POC5: variants seen among roughly 807,000 people sequenced by gnomAD.
The protein encoded by POC5 is POC5 centriolar protein, also known as centrosomal protein POC5.
A neutral mutation model predicts 62.9 loss-of-function variants in POC5; 48 were observed. That is an observed-to-expected ratio of 0.76 (90% CI 0.61 to 0.97). POC5 has a LOEUF of 0.97. Ranked by LOEUF, POC5 falls within the 50% of genes least tolerant of loss-of-function variation. POC5 has a pLI of 0.00. For synonymous variants in POC5, 236 were observed against 228.2 expected (o/e 1.03, Z -0.31); for missense variants, 696 against 679.5 (o/e 1.02, Z -0.27).
At chr5:75,704,191 A>G (rs1777027954) in intron 4 of POC5, among the ~76,000 whole-genome samples, 1 of 151,856 alleles carries the variant, frequency 6.6e-6, no homozygotes, top group South Asian at 2.1e-4. Flanking sequence ...AGAAAAGTTA[A>G]TATTTTCTCA....
In POC5 at chr5:75,685,504, T is replaced by C; in HGVS notation, c.1130-20A>G. 6 of 1,588,784 alleles carry C rather than the reference T, an allele frequency of 3.8e-6. No individual in the cohort carries two copies. In the African/African-American group the frequency reaches 4.0e-5, roughly 11 times the overall value. ...CTATCCCTATAAATCACAAATTAAT[T>C]CCATTCAAATTCTTCCAGGTTAGGA... On this transcript the variant is annotated intron_variant, in intron 9 of 11. Transcript: ENST00000428202.
intron 9 of POC5, among the ~76,000 whole-genome samples, chr5:75,686,561 C>A (rs1240588913): frequency 6.6e-6 from 1 of 152,118 alleles, no homozygotes; most frequent in African/African-American, 2.4e-5. Context: ...ATATAAAATA[C>A]TTTTAATTTG....
chr5:75,714,651 G>C (rs966707507), intron 1 of POC5, among the ~76,000 whole-genome samples: 4 of 152,180 alleles, frequency 2.6e-5, no homozygotes, highest in Non-Finnish European at 1.5e-5. Flanking sequence ...CCAAGGCAAG[G>C]AAGGTAGGAA....
In POC5 at chr5:75,702,767, G is replaced by C. The variant is rs1432299876; in HGVS notation, c.351C>G (p.Val117=). 6.3e-7 allele frequency: 1 copy of C among 1,593,736 alleles called. No homozygotes were observed. The highest frequency in any genetic ancestry group is 8.6e-7 in the Non-Finnish European group (1 of 1,169,376). ...AAAGATGTGAACTGAAAAAATCCAT[G>C]ACTGGGTGAGAAGGCTTCCTTGGCG... ...VLSPRKPSHP[V]MDFFSSHLLA... Residue 117 remains valine (V), a synonymous_variant, in exon 5 of 12, where the codon GTC becomes GTG. Coordinates refer to ENST00000428202, the MANE Select transcript of POC5 (RefSeq NM_001099271.2).
chr5:75,699,992 C>G (rs1023274536), intron 5 of POC5, among the ~76,000 whole-genome samples: 12 of 151,812 alleles, frequency 7.9e-5, no homozygotes, highest in African/African-American at 2.9e-4. Context: ...AATAAAATAC[C>G]TAGGAATCCA....
At chr5:75,708,028 T>C (rs1777195171) in intron 2 of POC5, among the ~76,000 whole-genome samples, 153 bp from the exon 3 acceptor site, 1 of 152,200 alleles carries the variant, frequency 6.6e-6, no homozygotes, top group East Asian at 1.9e-4. Flanking sequence ...CTTGAGTTCC[T>C]CGAGTGCTTC....
intron 6 of POC5, 91 bp downstream of exon 6, chr5:75,694,564 C>G (rs766223413): frequency 2.4e-5 from 26 of 1,064,174 alleles, no homozygotes; most frequent in Non-Finnish European, 3.4e-5. Flanking sequence ...GAACCTGTAT[C>G]TTGTATGAGG....
intron 7 of POC5, 32 bp from the exon 8 acceptor site, chr5:75,690,594 A>C: frequency 6.8e-7 from 1 of 1,470,034 alleles, no homozygotes. Context: ...CTTCAAAAAC[A>C]CAGTTGATTG....
intron 4 of POC5, among the ~76,000 whole-genome samples, chr5:75,704,240 TG>T (rs1178377251): frequency 6.6e-6 from 1 of 152,084 alleles, no homozygotes; most frequent in African/African-American, 2.4e-5. Context: ...TGTCATCACT[TG>T]TCACATATCT....
chr5:75,690,994 G>A (rs1580014953), intron 7 of POC5, among the ~76,000 whole-genome samples: 1 of 152,136 alleles, frequency 6.6e-6, no homozygotes, highest in African/African-American at 2.4e-5. Context: ...TCAGTTTGAT[G>A]GCCACCACAA....
At chr5:75,683,932 G>C (rs183938593) in intron 10 of POC5, among the ~76,000 whole-genome samples, 1 of 152,184 alleles carries the variant, frequency 6.6e-6, no homozygotes, top group East Asian at 1.9e-4. Context: ...TCAAACTTCT[G>C]GCCTCAAGCA....
At chr5:75,716,283 C>T in intron 1 of POC5, among the ~76,000 whole-genome samples, 1 of 147,930 alleles carries the variant, frequency 6.8e-6, no homozygotes, top group East Asian at 2.0e-4. Flanking sequence ...CAAGGAATGG[C>T]TGCTTCACTG....
At chr5:75,717,069 A>C (rs1346394436) in intron 1 of POC5, among the ~76,000 whole-genome samples, 1 of 152,214 alleles carries the variant, frequency 6.6e-6, no homozygotes, top group Non-Finnish European at 1.5e-5. Flanking sequence ...CAACGTTTTA[A>C]GTGACCGGAA....
At chr5:75,682,478 A>G (rs940921709) in intron 10 of POC5, among the ~76,000 whole-genome samples, 2 of 152,042 alleles carry the variant, frequency 1.3e-5, no homozygotes, top group Admixed American at 6.6e-5. Flanking sequence ...AACACAGCTG[A>G]AAATATGTCA....
intron 9 of POC5, 66 bp from the exon 10 acceptor site, chr5:75,685,550 A>G: frequency 5.4e-6 from 8 of 1,484,618 alleles, no homozygotes; most frequent in Non-Finnish European, 6.4e-6. Flanking sequence ...CTTCCAAACA[A>G]TGAAAACACA....
intron 10 of POC5, 96 bp from the exon 11 acceptor site, chr5:75,678,046 T>A: frequency 2.0e-6 from 2 of 993,658 alleles, no homozygotes; most frequent in Non-Finnish European, 1.4e-6. Context: ...CACAGGCACT[T>A]AAAATAACTG....
chr5:75,683,875 C>T (rs1206053269), intron 10 of POC5, among the ~76,000 whole-genome samples: 1 of 152,038 alleles, frequency 6.6e-6, no homozygotes, highest in Non-Finnish European at 1.5e-5. Flanking sequence ...GACTAATTTT[C>T]TACTTTTTTG....
rs2112177517 is a variant in POC5, at chr5:75,702,785, C to T, written c.333G>A (p.Arg111=). Residue 111 remains arginine (R), a synonymous_variant, in exon 5 of 12, where the codon AGG becomes AGA. Transcript: ENST00000428202. Reference sequence around the variant, plus strand: ...AATCCATGACTGGGTGAGAAGGCTTCCTTGGCGATAACACTGGTGATGACT... The same window carrying T: ...AATCCATGACTGGGTGAGAAGGCTTTCTTGGCGATAACACTGGTGATGACT... ...TDESSPVLSP[R]KPSHPVMDFF... 6.3e-7 allele frequency: 1 copy of T among 1,584,104 alleles called. No individual in the cohort carries two copies. Among genetic ancestry groups the T allele is most frequent in the South Asian group, 1.2e-5 (1 of 86,680 alleles).
chr5:75,706,719 G>C (rs1005433584), intron 3 of POC5, among the ~76,000 whole-genome samples: 1 of 151,884 alleles, frequency 6.6e-6, no homozygotes, highest in African/African-American at 2.4e-5. Context: ...TGCTCTGCCC[G>C]GCTAATTTTT....
Sources: allele counts gnomAD v4.1 joint callset (sites outside exome capture counted in the v4.1 genomes callset), GRCh38; gene constraint gnomAD v4.1.1; transcripts MANE v1.5; gene names NCBI Gene and HGNC (gene_info 2026-07-23, HGNC 2026-07-21).